Variants in CDK17 observed in about 807,000 individuals in gnomAD.
CDK17 encodes the protein cyclin-dependent kinase 17.
In CDK17, 24 loss-of-function variants were observed where a neutral mutation model predicts 77.6. The observed-to-expected ratio is 0.31, with a 90% CI of 0.22 to 0.44. The LOEUF (loss-of-function observed/expected upper bound fraction) is 0.44, where lower values mean the gene tolerates loss of function less well. Among genes scored for constraint, CDK17 ranks in the 20% least tolerant of loss-of-function variants. The pLI, the probability that CDK17 is intolerant of heterozygous loss-of-function variation, is 1.00. For synonymous variants in CDK17, 203 were observed against 210.4 expected (o/e 0.96, Z 0.30); for missense variants, 429 against 622.5 (o/e 0.69, Z 3.31).
intron 1 of CDK17, among the ~76,000 whole-genome samples, chr12:96,340,691 C>T (rs1953109466): frequency 6.6e-6 from 1 of 152,182 alleles, no homozygotes; most frequent in Non-Finnish European, 1.5e-5. Flanking sequence ...CTACTACTTA[C>T]ACTGGCTTTA....
intron 6 of CDK17, among the ~76,000 whole-genome samples, chr12:96,299,687 C>T (rs1247926014): frequency 6.6e-6 from 1 of 152,344 alleles, no homozygotes; most frequent in African/African-American, 2.4e-5. Context: ...CCGCGCCCGG[C>T]AATCATAAAA....
chr12:96,356,550 C>T (rs1953398042), intron 1 of CDK17, among the ~76,000 whole-genome samples: 1 of 152,186 alleles, frequency 6.6e-6, no homozygotes, highest in Admixed American at 6.5e-5. Context: ...AGATTACAGG[C>T]ATGAGCCACT....
At chr12:96,370,053 G>A (rs1347790382) in intron 1 of CDK17, among the ~76,000 whole-genome samples, 52 of 152,126 alleles carry the variant, frequency 3.4e-4, no homozygotes, top group Non-Finnish European at 7.4e-5. Flanking sequence ...AGGAAAGAAC[G>A]GAGGGCATTT....
chr12:96,389,066 G>C (rs1954021953), intron 1 of CDK17, among the ~76,000 whole-genome samples: 1 of 151,528 alleles, frequency 6.6e-6, no homozygotes, highest in South Asian at 2.1e-4. Flanking sequence ...AGGCTCAAGA[G>C]AGCCTTCTGC....
Position 96,324,258 on chromosome 12 carries a change from A to C in CDK17, c.119-146T>G, listed in dbSNP as rs116287294. 7.5e-4 allele frequency: 324 copies of C among 430,762 alleles called. 4 individuals are homozygous for C. The highest frequency in any genetic ancestry group is 5.8e-3 in the African/African-American group (287 of 49,424). 26.7% of individuals were successfully genotyped at this position (430,762 alleles called of 1,614,324 possible). On this transcript the variant is annotated intron_variant, in intron 2 of 16. Transcript: ENST00000261211. ...CTTTGCTTAACTATACACAGTATTA[A>C]AATTAAAATAGTTTCTCTGAAAAAA...
At position 96,400,118 on chromosome 12, in the gene CDK17, C is replaced by G. The variant is rs1954236779; in HGVS notation, c.-162G>C. On this transcript the variant is annotated 5_prime_UTR_variant, in exon 1 of 17. Coordinates refer to ENST00000261211, the MANE Select transcript of CDK17 (RefSeq NM_002595.5). ...CCGGCAGACGTGAGGCGCTTCCGAG[C>G]GCAGGCCTCCGCCGCCACAGCCGCC... 1.3e-5 allele frequency: 5 copies of G among 392,932 alleles called. No individual in the cohort carries two copies. In the South Asian group the frequency reaches 6.5e-4, roughly 51 times the overall value. The allele number at this position is 392,932 out of a possible 1,614,324, so 24.3% of individuals were successfully genotyped here.
intron 1 of CDK17, among the ~76,000 whole-genome samples, chr12:96,371,375 C>T (rs1180447093): frequency 6.6e-6 from 1 of 152,122 alleles, no homozygotes; most frequent in Non-Finnish European, 1.5e-5. Flanking sequence ...ATTGTTCACC[C>T]TTTAACCACC....
At chr12:96,334,377 A>G (rs2137142520) in intron 2 of CDK17, among the ~76,000 whole-genome samples, 1 of 152,356 alleles carries the variant, frequency 6.6e-6, no homozygotes, top group Admixed American at 6.5e-5. Flanking sequence ...AAGCTGTATT[A>G]ACTTGGGTTA....
At chr12:96,354,899 C>T (rs1016686345) in intron 1 of CDK17, among the ~76,000 whole-genome samples, 8 of 151,914 alleles carry the variant, frequency 5.3e-5, no homozygotes, top group African/African-American at 1.5e-4. Context: ...AAAAAAATTT[C>T]GAGCATCCTA....
intron 2 of CDK17, among the ~76,000 whole-genome samples, chr12:96,332,640 T>C (rs762842953): frequency 5.3e-5 from 8 of 152,204 alleles, no homozygotes; most frequent in Non-Finnish European, 1.2e-4. Flanking sequence ...AAAATAAGCA[T>C]AGTAGATTAT....
chr12:96,388,154 T>C (rs899763962), intron 1 of CDK17, among the ~76,000 whole-genome samples: 3 of 151,454 alleles, frequency 2.0e-5, no homozygotes, highest in Non-Finnish European at 2.9e-5. Flanking sequence ...ACAAGAGTCA[T>C]AAACAAGGAA....
At chr12:96,312,119 A>G (rs1952652430) in intron 4 of CDK17, among the ~76,000 whole-genome samples, 1 of 152,086 alleles carries the variant, frequency 6.6e-6, no homozygotes, top group Non-Finnish European at 1.5e-5. Context: ...TCTACAAAAA[A>G]TACAAAAAAA....
At chr12:96,382,512 G>A (rs1249433562) in intron 1 of CDK17, among the ~76,000 whole-genome samples, 3 of 151,924 alleles carry the variant, frequency 2.0e-5, no homozygotes, top group Admixed American at 2.0e-4. Flanking sequence ...TCATTCTAGG[G>A]AGCCAGCATC....
intron 5 of CDK17, among the ~76,000 whole-genome samples, chr12:96,304,686 T>C (rs1366621349): frequency 2.6e-5 from 4 of 152,252 alleles, no homozygotes; most frequent in East Asian, 1.9e-4. Flanking sequence ...TGAGAATCTC[T>C]ATTCTACTCA....
intron 1 of CDK17, among the ~76,000 whole-genome samples, chr12:96,347,642 G>A (rs1240892791): frequency 1.8e-5 from 2 of 111,980 alleles, no homozygotes; most frequent in Non-Finnish European, 3.7e-5. Flanking sequence ...GGAGGGGAGG[G>A]GAGGGGAAGG....
At chr12:96,385,915 C>A (rs1263383790) in intron 1 of CDK17, among the ~76,000 whole-genome samples, 2 of 152,026 alleles carry the variant, frequency 1.3e-5, no homozygotes, top group African/African-American at 4.8e-5. Flanking sequence ...GACAATTATA[C>A]ATAAAATTAA....
chr12:96,328,527 C>T (rs1240316444), intron 2 of CDK17, among the ~76,000 whole-genome samples: 1 of 151,934 alleles, frequency 6.6e-6, no homozygotes, highest in Non-Finnish European at 1.5e-5. Flanking sequence ...AAATAGGAAG[C>T]TACAATGGTG....
intron 10 of CDK17, among the ~76,000 whole-genome samples, chr12:96,291,596 T>C (rs1952325327): frequency 6.6e-6 from 1 of 150,956 alleles, no homozygotes; most frequent in Admixed American, 6.6e-5. Context: ...CAGCCAAAGG[T>C]AAATTTTTTA....
chr12:96,301,248 A>AG (rs1280065546), intron 5 of CDK17, among the ~76,000 whole-genome samples: 2 of 147,326 alleles, frequency 1.4e-5, no homozygotes, highest in East Asian at 4.1e-4. Context: ...GGCCAAAAAA[A>AG]AAAAAAAAAA....
Sources: gnomAD v4.1 joint callset for allele counts (sites outside exome capture counted in the v4.1 genomes callset) on GRCh38, gnomAD v4.1.1 for gene constraint, MANE v1.5 for transcripts, NCBI Gene and HGNC (gene_info 2026-07-23, HGNC 2026-07-21) for gene names.